DYNC1H1: variants seen among roughly 807,000 people sequenced by gnomAD.
DYNC1H1 encodes the protein cytoplasmic dynein 1 heavy chain 1.
A neutral mutation model predicts 527.1 loss-of-function variants in DYNC1H1; 51 were observed. The ratio of observed to expected loss-of-function variants is 0.10; its 90% confidence interval spans 0.08 to 0.12. The LOEUF (loss-of-function observed/expected upper bound fraction) is 0.12. Among genes scored for constraint, DYNC1H1 ranks in the 10% least tolerant of loss-of-function variants. The pLI is 1.00. For missense variants in DYNC1H1, 2,771 were observed against 5,971.8 expected, an observed-to-expected ratio of 0.46 and a Z score of 17.66; for synonymous variants, 2,189 against 2,278.8, an observed-to-expected ratio of 0.96 and a Z score of 1.12.
At position 102,018,564 on chromosome 14, in the gene DYNC1H1, C is replaced by T. The variant is rs781036111; in HGVS notation, c.8291C>T (p.Thr2764Met). ...CTGAGGCTCATTCCATCCCTGCGGACGTATGCAGAGCCGCTCACTGCTGCC... is the reference window on the plus strand; with the variant it reads ...CTGAGGCTCATTCCATCCCTGCGGATGTATGCAGAGCCGCTCACTGCTGCC... ...AMLRLIPSLR[T>M]YAEPLTAAMV... The change falls in exon 41 of 78, where the codon ACG becomes ATG. Residue 2764 changes from threonine to methionine, a missense_variant. Transcript: ENST00000360184. The surrounding 1 kb of genome is among the most constrained non-coding windows in gnomAD (Gnocchi z 5.2). 15 of 1,613,956 alleles carry T rather than the reference C, an allele frequency of 9.3e-6. No individual in the cohort carries two copies. The highest frequency in any genetic ancestry group is 6.6e-5 in the South Asian group (6 of 91,090).
At chr14:101,970,470 GTTGTTTTTTT>G (rs2047721747) in intron 1 of DYNC1H1, among the ~76,000 whole-genome samples, 1 of 96,276 alleles carries the variant, frequency 1.0e-5, no homozygotes, top group African/African-American at 4.8e-5. Context: ...TTGGTTTGTT[GTTGTTTTTTT>G]TTTTTTTTTT....
chr14:102,029,948 C>T lies in DYNC1H1; in HGVS notation c.9762+10C>T. ...GGCTGAAAAGAAGAAGGTATGGTGT[C>T]AGGGAATTCTGGCCTGTAAGGACTG... On this transcript the variant is annotated intron_variant, in intron 50 of 77. Transcript: ENST00000360184. This position sits in a 1 kb window ranked among gnomAD's most constrained non-coding sequence, Gnocchi z 5.3. 1 of 1,613,962 alleles carries T rather than the reference C, an allele frequency of 6.2e-7. No homozygotes were observed. Among genetic ancestry groups the T allele is most frequent in the South Asian group, 1.1e-5 (1 of 91,014 alleles).
chr14:102,043,427 A>G (rs1007178578), intron 69 of DYNC1H1: 2 of 306,062 alleles, frequency 6.5e-6, no homozygotes, highest in Non-Finnish European at 1.3e-5. Flanking sequence ...AGAGATGCCC[A>G]CGGAGAAGCT....
rs1326003179 is a variant in DYNC1H1 at position 101,965,946 on chromosome 14, C to T, written c.256+999C>T. Among the ~76,000 whole-genome samples, 1 of 152,108 alleles carries T rather than the reference C, an allele frequency of 6.6e-6. No individual in the cohort carries two copies. The highest frequency in any genetic ancestry group is 1.5e-5 in the Non-Finnish European group (1 of 68,022). ...TACATTCATCTAAGTCTGGGGCTTG[C>T]CTGCAGGCAGGCTTTCTCATGGATT... On this transcript the variant is annotated intron_variant, in intron 1 of 77. Coordinates refer to ENST00000360184, the MANE Select transcript of DYNC1H1 (RefSeq NM_001376.5). This position sits in a 1 kb window ranked among gnomAD's most constrained non-coding sequence, Gnocchi z 4.1.
chr14:101,978,839 G>A (rs750340916), intron 2 of DYNC1H1, among the ~76,000 whole-genome samples: 1 of 152,188 alleles, frequency 6.6e-6, no homozygotes, highest in Non-Finnish European at 1.5e-5. Context: ...CACAAAGCAC[G>A]TGATGTGTTT....
chr14:102,006,745 G>A (rs1425760746), intron 27 of DYNC1H1, among the ~76,000 whole-genome samples: 3 of 151,556 alleles, frequency 2.0e-5, no homozygotes, highest in South Asian at 2.1e-4. Flanking sequence ...GACTACAGGC[G>A]CCCACCAACA....
chr14:102,007,164 G>A, intron 28 of DYNC1H1, 56 bp downstream of exon 28: 1 of 1,577,790 alleles, frequency 6.3e-7, no homozygotes, highest in Non-Finnish European at 8.7e-7. Flanking sequence ...GATCATTTGG[G>A]GAATATCAAG....
chr14:102,011,646 G>C lies in DYNC1H1; in HGVS notation c.6619-229G>C. On this transcript the variant is annotated intron_variant, in intron 32 of 77. Transcript: ENST00000360184. This position sits in a 1 kb window ranked among gnomAD's most constrained non-coding sequence, Gnocchi z 5.3. ...AGGCGCTTGTAAAGCCAGCTACTTG[G>C]GAGAGTGAGGAAGGAGAATCACTTG... 3.6e-6 allele frequency: 2 copies of C among 558,066 alleles called. No individual in the cohort carries two copies. Among genetic ancestry groups the C allele is most frequent in the South Asian group, 2.0e-5 (1 of 50,076 alleles). The allele number at this position is 558,066 out of a possible 1,614,324, so 34.6% of individuals were successfully genotyped here. A position where few individuals can be genotyped will look rare whatever the true frequency, so the allele number is the denominator to read the frequency against.
chr14:102,032,630 G>A, intron 52 of DYNC1H1, 163 bp downstream of exon 52: 1 of 927,752 alleles, frequency 1.1e-6, no homozygotes, highest in Non-Finnish European at 1.7e-6. Flanking sequence ...GGCAGGTGAA[G>A]TGCTTGAGCC....
chr14:101,984,448 A>ATTTTTT lies in DYNC1H1; in HGVS notation c.1461+840_1461+841insTTTTTT, dbSNP rs1224932045. ...GTGTGTGTGTATATATATATATATTATATTTTTTTTTTTTTTTTTTTTTTG... is the reference window on the plus strand; with the variant it reads ...GTGTGTGTGTATATATATATATATTATTTTTTTATTTTTTTTTTTTTTTTTTTTTTG... On this transcript the variant is annotated intron_variant, in intron 7 of 77. Transcript: ENST00000360184. 6.7e-5 allele frequency among the ~76,000 whole-genome samples: 6 copies of ATTTTTT among 89,116 alleles called. 1 individual carries two copies. Among genetic ancestry groups the ATTTTTT allele is most frequent in the Non-Finnish European group, 1.0e-4 (5 of 47,878 alleles). 58.5% of individuals were successfully genotyped at this position (89,116 alleles called of 152,430 possible). A position where few individuals can be genotyped will look rare whatever the true frequency, so the allele number is the denominator to read the frequency against.
intron 72 of DYNC1H1, chr14:102,045,071 G>C (rs963560300): frequency 4.7e-5 from 14 of 294,880 alleles, no homozygotes; most frequent in African/African-American, 3.0e-4. Context: ...GGGAGGCCAA[G>C]GCGGGCAGAT....
rs756288729 is a variant in DYNC1H1, at chr14:102,016,878, G to A, written c.7727G>A (p.Arg2576His). The change falls in exon 38 of 78, where the codon CGC becomes CAC. Residue 2576 changes from arginine to histidine, a missense_variant. Physicochemically the swap from Arg to His is conservative, Grantham distance 29. This residue lies in a region of DYNC1H1 where 71 missense variants were observed against 143.6 expected (regional missense o/e 0.49). Coordinates refer to ENST00000360184, the MANE Select transcript of DYNC1H1 (RefSeq NM_001376.5). This position sits in a 1 kb window ranked among gnomAD's most constrained non-coding sequence, Gnocchi z 7.3. ...GTCGTGCCAACGCTGGACACAGTCC[G>A]CCACGAAGCCCTCTTGTACACTTGG... ...DVVVPTLDTV[R>H]HEALLYTWLA... 2.5e-6 allele frequency: 4 copies of A among 1,614,184 alleles called. No homozygotes were observed. The highest frequency in any genetic ancestry group is 2.5e-6 in the Non-Finnish European group (3 of 1,180,042).
At chr14:102,030,047 A>C in intron 50 of DYNC1H1, 109 bp downstream of exon 50, 1 of 1,582,194 alleles carries the variant, frequency 6.3e-7, no homozygotes, top group South Asian at 1.1e-5. Context: ...AGAGGGAGGG[A>C]GGGAGAGAGA....
rs1435144120 is a variant in DYNC1H1, at chr14:102,012,366, G to A, written c.6910G>A (p.Asp2304Asn). 5 of 1,614,108 alleles carry A rather than the reference G, an allele frequency of 3.1e-6. No homozygotes were observed. The highest frequency in any genetic ancestry group is 4.2e-6 in the Non-Finnish European group (5 of 1,180,054). The change falls in exon 34 of 78, where the codon GAT (aspartate) becomes AAT (asparagine). Residue 2304 changes from aspartate to asparagine, a missense_variant. Asp to Asn is a conservative substitution (Grantham distance 23, BLOSUM62 1). Around this residue, in one of 32 missense-constraint regions of DYNC1H1, gnomAD observed 56 missense variants for 183.8 expected, o/e 0.30. Coordinates refer to ENST00000360184, the MANE Select transcript of DYNC1H1 (RefSeq NM_001376.5). This position sits in a 1 kb window ranked among gnomAD's most constrained non-coding sequence, Gnocchi z 4.9. The stretch of plus-strand genomic sequence containing the variant: ...GCAGAAGCGCCAGTGGATCGTCTTC[G>A]ATGGCGATGTGGATCCAGAGTGGGT... ...ELQKRQWIVF[D>N]GDVDPEWVEN...
chr14:101,970,218 T>C (rs1376502314), intron 1 of DYNC1H1, among the ~76,000 whole-genome samples: 1 of 152,104 alleles, frequency 6.6e-6, no homozygotes, highest in East Asian at 1.9e-4. Context: ...GATGTTACAA[T>C]GGAAATCTTC....
chr14:102,010,650 C>A lies in DYNC1H1; in HGVS notation c.6406-90C>A. ...AGTGGTGCTCGCACCCTTTGTTCACCAACAGTTACTGATCACGCACCTCCT... is the reference window on the plus strand; with the variant it reads ...AGTGGTGCTCGCACCCTTTGTTCACAAACAGTTACTGATCACGCACCTCCT... On this transcript the variant is annotated intron_variant, in intron 31 of 77. Transcript: ENST00000360184. This position sits in a 1 kb window ranked among gnomAD's most constrained non-coding sequence, Gnocchi z 6.0. The A allele has an allele frequency of 6.4e-7, 1 of 1,565,306 alleles. No individual in the cohort carries two copies. Among genetic ancestry groups the A allele is most frequent in the South Asian group, 1.1e-5 (1 of 88,800 alleles).
Position 101,964,955 on chromosome 14 carries a change from G to A in DYNC1H1, c.256+8G>A. The A allele has an allele frequency of 6.3e-7, 1 of 1,588,876 alleles. No homozygotes were observed. The highest frequency in any genetic ancestry group is 1.1e-5 in the South Asian group (1 of 88,084). On this transcript the variant is annotated splice_region_variant and intron_variant, in intron 1 of 77. Coordinates refer to ENST00000360184, the MANE Select transcript of DYNC1H1 (RefSeq NM_001376.5). The surrounding 1 kb of genome is among the most constrained non-coding windows in gnomAD (Gnocchi z 5.5). ...AGCGCTCCACGCTCAAAGGTGCGGG[G>A]CCGCGGAGGGCAGGGTCGCCAGAGC...
chr14:102,006,521 C>T (rs1351117087), intron 27 of DYNC1H1, among the ~76,000 whole-genome samples: 2 of 152,118 alleles, frequency 1.3e-5, no homozygotes. Flanking sequence ...GCATGAGTCA[C>T]CACGCCCGGC....
Position 101,983,462 on chromosome 14 carries a change from C to G in DYNC1H1, c.1314C>G (p.Val438=), listed in dbSNP as rs1382098357. ...TTCAGGTATTGTTGAGAGACATCGT[C>G]AAAAGAAAAAGGGAAGAAAATCTGA... ...EKLQVLLRDI[V]KRKREENLKM... Residue 438 remains valine, a synonymous_variant, in exon 7 of 78, where the codon GTC becomes GTG. Coordinates refer to ENST00000360184, the MANE Select transcript of DYNC1H1 (RefSeq NM_001376.5). The surrounding 1 kb of genome is among the most constrained non-coding windows in gnomAD (Gnocchi z 5.3). 1 of 1,613,828 alleles carries G rather than the reference C, an allele frequency of 6.2e-7. No homozygotes were observed.
Sources: gnomAD v4.1 joint callset for allele counts (sites outside exome capture counted in the v4.1 genomes callset) on GRCh38, gnomAD v4.1.1 for gene constraint, gnomAD v4.1.1 regional missense constraint, Gnocchi (gnomAD v3.1) non-coding constraint, MANE v1.5 for transcripts, NCBI Gene and HGNC (gene_info 2026-07-23, HGNC 2026-07-21) for gene names.